DOP1A: variants seen among roughly 807,000 people sequenced by gnomAD.
DOP1A encodes protein DOP1A.
Under a neutral mutation model 267.6 loss-of-function variants are expected in DOP1A, and 90 were observed. The ratio of observed to expected loss-of-function variants is 0.34; its 90% CI spans 0.28 to 0.40. The LOEUF is 0.40. Ranked by LOEUF, DOP1A falls within the 10% of genes least tolerant of loss-of-function variation. The pLI, the probability that DOP1A is intolerant of heterozygous loss-of-function variation, is 1.00. For synonymous variants in DOP1A, 932 were observed against 999.1 expected (o/e 0.93, Z 1.27); for missense variants, 2,437 against 2,900.4 (o/e 0.84, Z 3.67).
At chr6:83,074,437 G>A (rs796818018) in intron 1 of DOP1A, among the ~76,000 whole-genome samples, 11 of 152,158 alleles carry the variant, frequency 7.2e-5, no homozygotes, top group African/African-American at 2.6e-4. Context: ...GATTTTAAAA[G>A]TATAAGTATA....
At chr6:83,144,891 AAAAT>A (rs1780252004) in intron 24 of DOP1A, among the ~76,000 whole-genome samples, 4 of 151,078 alleles carry the variant, frequency 2.6e-5, no homozygotes, top group Admixed American at 1.3e-4. Context: ...TTATTGATGA[AAAAT>A]AAATAAATTT....
chr6:83,128,590 T>C (rs1443661933), intron 15 of DOP1A, among the ~76,000 whole-genome samples: 1 of 152,194 alleles, frequency 6.6e-6, no homozygotes, highest in Non-Finnish European at 1.5e-5. Flanking sequence ...TGTTTAGACA[T>C]TAGGAAAGTG....
chr6:83,156,199 C>G, intron 34 of DOP1A, 96 bp downstream of exon 34: 1 of 970,632 alleles, frequency 1.0e-6, no homozygotes, highest in Non-Finnish European at 1.5e-6. Context: ...TAAAATATAT[C>G]AAGTGTAGAT....
chr6:83,168,196 A>G lies in DOP1A; in HGVS notation c.*29A>G, dbSNP rs201151645. 9 of 1,583,080 alleles carry G rather than the reference A, an allele frequency of 5.7e-6. No individual in the cohort carries two copies. In the Admixed American group the frequency reaches 1.1e-4, roughly 19 times the overall value. ...CCATTGCTGGTTCCATTTAGCTTAC[A>G]TGTAAATGTAATTATTTAAAACACA... On this transcript the variant is annotated 3_prime_UTR_variant, in exon 39 of 39. Transcript: ENST00000349129.
intron 7 of DOP1A, among the ~76,000 whole-genome samples, chr6:83,117,427 G>A (rs549380770): frequency 6.6e-6 from 1 of 152,300 alleles, no homozygotes; most frequent in African/African-American, 2.4e-5. Flanking sequence ...TGGGATTACA[G>A]GTGTGAGTCA....
chr6:83,107,613 A>G (rs562943840), intron 4 of DOP1A, among the ~76,000 whole-genome samples: 37 of 152,310 alleles, frequency 2.4e-4, no homozygotes, highest in African/African-American at 7.9e-4. Context: ...ATAAAGAATG[A>G]TAAGTGTTTT....
chr6:83,154,190 A>G lies in DOP1A; in HGVS notation c.6400A>G (p.Ile2134Val). The G allele has an allele frequency of 6.2e-7, 1 of 1,613,928 alleles. No homozygotes were observed. The highest frequency in any genetic ancestry group is 1.1e-5 in the South Asian group (1 of 91,076). The change falls in exon 33 of 39, where the codon ATT becomes GTT. Residue 2134 changes from isoleucine (I) to valine (V), a missense_variant. Physicochemically the swap from Ile to Val is conservative, Grantham distance 29. Around this residue, in one of 9 missense-constraint regions of DOP1A, gnomAD observed 216 missense variants for 283.3 expected, o/e 0.76. Coordinates refer to ENST00000349129, the MANE Select transcript of DOP1A (RefSeq NM_015018.4). ...CCTTATCTCTTTCAGTTGGAGAGCA[A>G]TTATGGACAATCTGATGACACATGA... is the stretch of plus-strand genomic sequence containing the variant. ...DASCVNHWRA[I>V]MDNLMTHDKT...
intron 37 of DOP1A, chr6:83,161,267 G>A (rs895287707): frequency 3.3e-5 from 5 of 151,980 alleles, no homozygotes; most frequent in Non-Finnish European, 5.9e-5. Context: ...GAAACATGCC[G>A]TTATATTAAT....
In DOP1A at chr6:83,118,953, G is replaced by A. The variant is rs1286893524; in HGVS notation, c.846G>A (p.Met282Ile). ...TTCATGTAGTGCTAAGGAGGGATAT[G>A]TCTCTGAATCGAAGACTTTATGCAT... ...AALHVVLRRD[M>I]SLNRRLYAWL... The change falls in exon 8 of 39, where the codon ATG becomes ATA. Residue 282 changes from methionine to isoleucine, a missense_variant. Transcript: ENST00000349129. 11 of 1,613,526 alleles carry A rather than the reference G, an allele frequency of 6.8e-6. No individual in the cohort carries two copies. The highest frequency in any genetic ancestry group is 9.3e-6 in the Non-Finnish European group (11 of 1,179,692).
At chr6:83,074,051 A>G (rs1276921736) in intron 1 of DOP1A, among the ~76,000 whole-genome samples, 1 of 152,240 alleles carries the variant, frequency 6.6e-6, no homozygotes. Flanking sequence ...ATTGAAACCC[A>G]TGTTAGAAGC....
At chr6:83,164,826 G>A in intron 38 of DOP1A, 1 of 864,292 alleles carries the variant, frequency 1.2e-6, no homozygotes, top group South Asian at 1.8e-5. Flanking sequence ...TAAACAGGAA[G>A]GAAGTCTTTT....
chr6:83,152,513 G>A, intron 30 of DOP1A, 146 bp downstream of exon 30: 1 of 389,154 alleles, frequency 2.6e-6, no homozygotes, highest in Non-Finnish European at 4.5e-6. Flanking sequence ...ATAAAGTTTT[G>A]GCCTTGTATG....
At chr6:83,076,334 C>T (rs1767082584) in intron 1 of DOP1A, among the ~76,000 whole-genome samples, 1 of 152,042 alleles carries the variant, frequency 6.6e-6, no homozygotes, top group East Asian at 1.9e-4. Context: ...CCATCCTGGC[C>T]AACATGGTGA....
At chr6:83,103,516 TC>T (rs1234041033) in intron 4 of DOP1A, among the ~76,000 whole-genome samples, 1 of 152,202 alleles carries the variant, frequency 6.6e-6, no homozygotes, top group Non-Finnish European at 1.5e-5. Flanking sequence ...TTGATGCCTT[TC>T]ACCAATTTTG....
At chr6:83,141,898 T>C in intron 23 of DOP1A, 23 bp from the exon 24 acceptor site, 1 of 1,574,966 alleles carries the variant, frequency 6.3e-7, no homozygotes, top group Non-Finnish European at 8.6e-7. Flanking sequence ...AGTTTCACTT[T>C]CATTTGCTTC....
At chr6:83,145,460 T>C in intron 24 of DOP1A, 64 bp from the exon 25 acceptor site, 1 of 1,346,064 alleles carries the variant, frequency 7.4e-7, no homozygotes, top group Non-Finnish European at 1.0e-6. Flanking sequence ...AAATACTCTC[T>C]TCTGTAACTT....
chr6:83,170,244 A>C, downstream of DOP1A: 1 of 1,478,218 alleles, frequency 6.8e-7, no homozygotes, highest in Non-Finnish European at 9.4e-7. Context: ...AACCATTAAA[A>C]TAGTTTGCCT....
chr6:83,153,096 A>G (rs1782051958), intron 30 of DOP1A, among the ~76,000 whole-genome samples: 1 of 152,230 alleles, frequency 6.6e-6, no homozygotes, highest in Non-Finnish European at 1.5e-5. Context: ...AATAGGACTA[A>G]GGCCAAATAG....
At chr6:83,169,121 G>A (rs914361296), downstream of DOP1A, 3 of 1,512,662 alleles carry the variant, frequency 2.0e-6, no homozygotes, top group East Asian at 2.5e-5. Context: ...AGACAATCCA[G>A]TAGGCTGCAT....
Sources: allele counts gnomAD v4.1 joint callset (sites outside exome capture counted in the v4.1 genomes callset), GRCh38; gene constraint gnomAD v4.1.1; regional missense constraint gnomAD v4.1.1; transcripts MANE v1.5; gene names NCBI Gene and HGNC (gene_info 2026-07-23, HGNC 2026-07-21).